Variants in RASGRF2 observed in about 807,000 individuals in gnomAD.
RASGRF2 encodes Ras protein specific guanine nucleotide releasing factor 2, also known as ras-specific guanine nucleotide-releasing factor 2.
In RASGRF2, 76 loss-of-function variants were observed where a neutral mutation model predicts 151.0. The observed-to-expected ratio is 0.50, with a 90% CI of 0.42 to 0.61. RASGRF2 has a LOEUF of 0.61. Ranked by LOEUF, RASGRF2 falls within the 20% of genes least tolerant of loss-of-function variation. The pLI is 0.00. For synonymous variants in RASGRF2, 504 were observed against 566.5 expected (o/e 0.89, Z 1.57); for missense variants, 1,148 against 1,564.6 (o/e 0.73, Z 4.49).
At chr5:81,035,246 A>G (rs1349455779) in intron 1 of RASGRF2, among the ~76,000 whole-genome samples, 1 of 152,206 alleles carries the variant, frequency 6.6e-6, no homozygotes, top group African/African-American at 2.4e-5. Context: ...GATTAAGAAA[A>G]TGTGGCACAT....
intron 1 of RASGRF2, among the ~76,000 whole-genome samples, chr5:81,013,478 C>G (rs1236108468): frequency 1.3e-5 from 2 of 152,108 alleles, no homozygotes; most frequent in African/African-American, 4.8e-5. Flanking sequence ...GTGGTGTGCC[C>G]TCATGCGAAA....
chr5:81,087,650 C>A, intron 9 of RASGRF2: 1 of 457,142 alleles, frequency 2.2e-6, no homozygotes, highest in Non-Finnish European at 3.9e-6. Context: ...AAATGCAAGA[C>A]GTAAACCACA....
chr5:81,169,680 T>TCCCAA (rs1754598873), intron 17 of RASGRF2, among the ~76,000 whole-genome samples: 3 of 152,190 alleles, frequency 2.0e-5, no homozygotes, highest in Non-Finnish European at 2.9e-5. Context: ...GATGTGGATT[T>TCCCAA]GGGGAGAATA....
intron 1 of RASGRF2, among the ~76,000 whole-genome samples, chr5:81,016,361 G>C (rs958469054): frequency 6.6e-6 from 1 of 152,216 alleles, no homozygotes; most frequent in Non-Finnish European, 1.5e-5. Context: ...TTCCTTGGTT[G>C]ATGAAAGTTT....
chr5:81,113,597 G>A lies in RASGRF2; in HGVS notation c.2147G>A (p.Gly716Asp). 1.2e-6 allele frequency: 2 copies of A among 1,608,146 alleles called. No homozygotes were observed. Among genetic ancestry groups the A allele is most frequent in the Non-Finnish European group, 1.7e-6 (2 of 1,174,596 alleles). Residue 716 changes from glycine to aspartate, a missense_variant, in exon 15 of 27, where the codon GGC becomes GAC. Physicochemically the swap from Gly to Asp is moderately conservative, Grantham distance 94. Around this residue, in one of 5 missense-constraint regions of RASGRF2, gnomAD observed 646 missense variants for 807.4 expected, o/e 0.80. Coordinates refer to ENST00000265080, the MANE Select transcript of RASGRF2 (RefSeq NM_006909.3). ...AACAGAGGTGAACATTTGGTGGATG[G>A]CAAATCCCCACGTCTGTGTCGCAAA... is the stretch of plus-strand genomic sequence containing the variant. Reference protein sequence around the residue: ...QNNRGEHLVDGKSPRLCRKFS... With the variant: ...QNNRGEHLVDDKSPRLCRKFS...
intron 18 of RASGRF2, among the ~76,000 whole-genome samples, chr5:81,181,508 G>C (rs1202834578): frequency 6.6e-6 from 1 of 152,178 alleles, no homozygotes; most frequent in Admixed American, 6.5e-5. Context: ...CTTAGTGCAT[G>C]AGAAATGTCT....
In RASGRF2 at chr5:81,086,952, A is replaced by G. The variant is rs1465144107; in HGVS notation, c.1389A>G (p.Gln463=). The G allele has an allele frequency of 6.2e-7, 1 of 1,611,980 alleles. No individual in the cohort carries two copies. Among genetic ancestry groups the G allele is most frequent in the Non-Finnish European group, 8.5e-7 (1 of 1,178,176 alleles). The change falls in exon 9 of 27, where the codon CAA becomes CAG. Residue 463 remains glutamine, a splice_region_variant and synonymous_variant. Coordinates refer to ENST00000265080, the MANE Select transcript of RASGRF2 (RefSeq NM_006909.3). ...ACACCAGCCAAACGTTCATCCGCCA[A>G]GGTAAGTCCCTGTGAAATGGACCCG... The part of the protein sequence containing the change: ...LLDTSQTFIR[Q]GSLIQVPSVE...
intron 17 of RASGRF2, among the ~76,000 whole-genome samples, chr5:81,146,672 C>T (rs974580298): frequency 5.3e-5 from 8 of 152,022 alleles, no homozygotes; most frequent in East Asian, 3.9e-4. Flanking sequence ...TGTCGGGGTG[C>T]GGCAGAGGGT....
rs1756052316 is a variant in RASGRF2, at chr5:81,228,778, G to A, written c.*3008G>A. On this transcript the variant is annotated 3_prime_UTR_variant, in exon 27 of 27. Coordinates refer to ENST00000265080, the MANE Select transcript of RASGRF2 (RefSeq NM_006909.3). The stretch of plus-strand genomic sequence containing the variant: ...GACAGATTCAGGCATGAAGTAAAAC[G>A]TCGTCACTTTTCCTTAGTGCTTTTC... The A allele has an allele frequency of 6.6e-6, 1 of 152,082 alleles. No individual in the cohort carries two copies. Among genetic ancestry groups the A allele is most frequent in the Non-Finnish European group, 1.5e-5 (1 of 68,004 alleles). 9.4% of individuals were successfully genotyped at this position (152,082 alleles called of 1,614,324 possible).
chr5:80,962,349 C>A, intron 1 of RASGRF2, among the ~76,000 whole-genome samples: 1 of 151,918 alleles, frequency 6.6e-6, no homozygotes, highest in East Asian at 1.9e-4. Context: ...TCAAGTCATG[C>A]ATTTTAGAAT....
chr5:81,055,069 C>G (rs1751150630), intron 2 of RASGRF2, among the ~76,000 whole-genome samples: 1 of 152,280 alleles, frequency 6.6e-6, no homozygotes, highest in Non-Finnish European at 1.5e-5. Flanking sequence ...ATATCATCTG[C>G]AAACGGGGAC....
At chr5:80,996,674 A>G (rs941484209) in intron 1 of RASGRF2, among the ~76,000 whole-genome samples, 1 of 145,986 alleles carries the variant, frequency 6.8e-6, no homozygotes, top group Non-Finnish European at 1.5e-5. Context: ...ATCTTGGCTC[A>G]CTGCAATCTC....
At chr5:81,034,515 A>T (rs573524219) in intron 1 of RASGRF2, among the ~76,000 whole-genome samples, 103 of 151,950 alleles carry the variant, frequency 6.8e-4, no homozygotes, top group African/African-American at 2.4e-3. Flanking sequence ...TTTATTGCGG[A>T]ACTATTCACA....
At chr5:81,206,093 C>A (rs2112722237) in intron 19 of RASGRF2, among the ~76,000 whole-genome samples, 1 of 152,300 alleles carries the variant, frequency 6.6e-6, no homozygotes, top group Non-Finnish European at 1.5e-5. Flanking sequence ...TGGATGCCTA[C>A]TGGACTCCAG....
At chr5:81,121,792 A>G (rs528551235) in intron 15 of RASGRF2, among the ~76,000 whole-genome samples, 50 of 152,212 alleles carry the variant, frequency 3.3e-4, no homozygotes, top group African/African-American at 1.2e-3. Context: ...AACCAAACCA[A>G]CAGCAGGCAA....
intron 17 of RASGRF2, among the ~76,000 whole-genome samples, chr5:81,128,274 A>G (rs1250242419): frequency 6.6e-6 from 1 of 152,174 alleles, no homozygotes; most frequent in African/African-American, 2.4e-5. Flanking sequence ...AAGAGAGTAG[A>G]TTTTAGATGC....
Position 81,007,254 on chromosome 5 carries a change from C to G in RASGRF2, c.289-35623C>G, listed in dbSNP as rs147309756. ...TTGGCCTCTACACTTTCATAATGCT[C>G]AAAAAGTTTCTGATTGTGGTTTCAA... On this transcript the variant is annotated intron_variant, in intron 1 of 26. Coordinates refer to ENST00000265080, the MANE Select transcript of RASGRF2 (RefSeq NM_006909.3). Among the ~76,000 whole-genome samples, 191 of 152,278 alleles carry G rather than the reference C, an allele frequency of 1.3e-3. 1 individual carries two copies. Among genetic ancestry groups the G allele is most frequent in the African/African-American group, 4.4e-3 (181 of 41,542 alleles).
At chr5:81,218,526 C>G (rs2112746532) in intron 25 of RASGRF2, among the ~76,000 whole-genome samples, 1 of 152,240 alleles carries the variant, frequency 6.6e-6, no homozygotes, top group Admixed American at 6.5e-5. Context: ...GGATTTATTT[C>G]TGGGTTCTCT....
At chr5:80,963,684 A>G (rs1455463668) in intron 1 of RASGRF2, among the ~76,000 whole-genome samples, 4 of 152,240 alleles carry the variant, frequency 2.6e-5, no homozygotes, top group African/African-American at 9.6e-5. Flanking sequence ...TGAAGTGGAC[A>G]TTCTGATAAA....
Sources: allele counts gnomAD v4.1 joint callset (sites outside exome capture counted in the v4.1 genomes callset), GRCh38; gene constraint gnomAD v4.1.1; regional missense constraint gnomAD v4.1.1; transcripts MANE v1.5; gene names NCBI Gene and HGNC (gene_info 2026-07-23, HGNC 2026-07-21).